Variants in CAB39 observed in about 807,000 individuals in gnomAD.
CAB39 encodes calcium binding protein 39.
CAB39 carries 8 observed loss-of-function variants against 40.0 expected under a neutral mutation model. The observed-to-expected ratio is 0.20, with a 90% CI of 0.12 to 0.36. CAB39 has a LOEUF of 0.36. Ranked by LOEUF, CAB39 falls within the 10% of genes least tolerant of loss-of-function variation. The probability of loss-of-function intolerance (pLI) is 1.00; values close to 1 mark genes in which losing one functional copy is unlikely to be tolerated. For synonymous variants in CAB39, 156 were observed against 141.6 expected, an observed-to-expected ratio of 1.10 and a Z score of -0.72; for missense variants, 270 against 401.1, an observed-to-expected ratio of 0.67 and a Z score of 2.79.
At chr2:230,794,069 A>G (rs929615903) in intron 4 of CAB39, among the ~76,000 whole-genome samples, 1 of 152,028 alleles carries the variant, frequency 6.6e-6, no homozygotes, top group African/African-American at 2.4e-5. Flanking sequence ...TTGTCCCAAC[A>G]TTGGTGGTGG....
chr2:230,752,392 C>T (rs1304600922), intron 1 of CAB39: 1 of 152,124 alleles, frequency 6.6e-6, no homozygotes, highest in Non-Finnish European at 1.5e-5. Flanking sequence ...ATTTATTTCT[C>T]ACAGTTCTGA....
At chr2:230,797,141 C>A (rs182173241) in intron 4 of CAB39, among the ~76,000 whole-genome samples, 1 of 152,154 alleles carries the variant, frequency 6.6e-6, no homozygotes, top group East Asian at 1.9e-4. Context: ...TCCAATTGTC[C>A]AGGTATGAAT....
intron 2 of CAB39, among the ~76,000 whole-genome samples, chr2:230,783,442 A>AGTTTTGTTTTGTTTT (rs57684093): frequency 0.15 from 22,331 of 148,854 alleles, 2,010 homozygotes; most frequent in East Asian, 0.35. Flanking sequence ...GTTCTTGTCT[A>AGTTTTGTTTTGTTTT]GTTTTGTTTT....
chr2:230,792,770 C>T (rs1377967668), intron 3 of CAB39, among the ~76,000 whole-genome samples: 1 of 152,164 alleles, frequency 6.6e-6, no homozygotes, highest in Non-Finnish European at 1.5e-5. Flanking sequence ...TTTAATATAG[C>T]AGCAGAGTAT....
chr2:230,742,306 C>G (rs1376005806), intron 1 of CAB39, among the ~76,000 whole-genome samples: 1 of 152,138 alleles, frequency 6.6e-6, no homozygotes, highest in Non-Finnish European at 1.5e-5. Flanking sequence ...TCCCGAGTAG[C>G]TGGGACTGCA....
Position 230,818,666 on chromosome 2 carries a change from A to G in CAB39, c.988A>G (p.Ile330Val), listed in dbSNP as rs1696448086. ...CGAGAAGACCTATTTAGTTAAACAG[A>G]TCAGGGATTTGAAGAGACCAGCTCA... ...NDEKTYLVKQ[I>V]RDLKRPAQQE... Residue 330 changes from isoleucine (I) to valine (V), a missense_variant, in exon 9 of 9, where the codon ATC (isoleucine) becomes GTC (valine). By Grantham distance (29) the Ile-to-Val change is conservative. Transcript: ENST00000258418. The G allele has an allele frequency of 6.2e-7, 1 of 1,614,030 alleles. No individual in the cohort carries two copies. The highest frequency in any genetic ancestry group is 1.1e-5 in the South Asian group (1 of 91,094).
At chr2:230,747,110 T>C (rs1455974706) in intron 1 of CAB39, among the ~76,000 whole-genome samples, 1 of 152,054 alleles carries the variant, frequency 6.6e-6, no homozygotes, top group African/African-American at 2.4e-5. Context: ...GCCAGCACTT[T>C]GGGGAGGCCG....
At chr2:230,749,697 C>G (rs995732694) in intron 1 of CAB39, among the ~76,000 whole-genome samples, 4 of 152,104 alleles carry the variant, frequency 2.6e-5, no homozygotes, top group African/African-American at 9.7e-5. Flanking sequence ...ATGTTCAGTT[C>G]TATTTGCTGA....
At chr2:230,815,054 A>C (rs1559620421) in intron 7 of CAB39, among the ~76,000 whole-genome samples, 1 of 152,220 alleles carries the variant, frequency 6.6e-6, no homozygotes, top group Non-Finnish European at 1.5e-5. Flanking sequence ...ATCTCCCTTG[A>C]AGACCTTATC....
intron 5 of CAB39, among the ~76,000 whole-genome samples, chr2:230,806,958 CTT>C: frequency 6.6e-6 from 1 of 152,292 alleles, no homozygotes; most frequent in Non-Finnish European, 1.5e-5. Context: ...TTTTAGGAAG[CTT>C]TTAAATTCAG....
chr2:230,807,403 GT>G (rs753983348), intron 5 of CAB39, among the ~76,000 whole-genome samples: 3 of 151,754 alleles, frequency 2.0e-5, no homozygotes, highest in Non-Finnish European at 4.4e-5. Flanking sequence ...TCCTACTAGT[GT>G]TTTACCCCCC....
At chr2:230,754,160 A>T (rs933991712) in intron 1 of CAB39, among the ~76,000 whole-genome samples, 3 of 151,958 alleles carry the variant, frequency 2.0e-5, no homozygotes, top group South Asian at 2.1e-4. Flanking sequence ...TTATTTTAAA[A>T]TTTTTTTCCC....
intron 1 of CAB39, among the ~76,000 whole-genome samples, chr2:230,733,907 T>C (rs911390998): frequency 6.6e-6 from 1 of 152,258 alleles, no homozygotes; most frequent in Non-Finnish European, 1.5e-5. Flanking sequence ...TGTTCTCAAT[T>C]TGTGAAAATA....
chr2:230,780,113 G>A (rs538405268), intron 2 of CAB39, among the ~76,000 whole-genome samples: 2 of 152,242 alleles, frequency 1.3e-5, no homozygotes, highest in Admixed American at 6.5e-5. Context: ...AATTGCACAG[G>A]GGGTACCTGA....
At chr2:230,792,444 T>A (rs1200655204) in intron 3 of CAB39, among the ~76,000 whole-genome samples, 1 of 152,222 alleles carries the variant, frequency 6.6e-6, no homozygotes, top group Non-Finnish European at 1.5e-5. Flanking sequence ...AGGTATACCC[T>A]GGAAAGCTAG....
chr2:230,777,061 G>T (rs959920799), intron 2 of CAB39, among the ~76,000 whole-genome samples: 12 of 152,122 alleles, frequency 7.9e-5, no homozygotes, highest in Admixed American at 5.9e-4. Flanking sequence ...AGGGAAGTGT[G>T]TATGAGTGTG....
intron 2 of CAB39, among the ~76,000 whole-genome samples, chr2:230,775,768 A>G (rs1695575011): frequency 1.3e-5 from 2 of 152,234 alleles, no homozygotes; most frequent in South Asian, 4.1e-4. Flanking sequence ...AGAGATCCCC[A>G]GTTTGATTGA....
intron 2 of CAB39, among the ~76,000 whole-genome samples, chr2:230,787,389 T>G (rs1575947284): frequency 6.6e-6 from 1 of 152,232 alleles, no homozygotes; most frequent in South Asian, 2.1e-4. Context: ...TTTTCATATG[T>G]ATGTGAGAGC....
At chr2:230,724,827 A>G (rs1245690956) in intron 1 of CAB39, among the ~76,000 whole-genome samples, 2 of 149,270 alleles carry the variant, frequency 1.3e-5, no homozygotes, top group Non-Finnish European at 3.0e-5. Context: ...CTGTTGTGCC[A>G]AAAAAGGAGC....
Sources: allele counts gnomAD v4.1 joint callset (sites outside exome capture counted in the v4.1 genomes callset), GRCh38; gene constraint gnomAD v4.1.1; transcripts MANE v1.5; gene names NCBI Gene and HGNC (gene_info 2026-07-23, HGNC 2026-07-21).